Variants in ZNF616 observed in about 807,000 individuals in gnomAD.
ZNF616 encodes zinc finger protein 616.
A neutral mutation model predicts 7.6 loss-of-function variants in ZNF616; 5 were observed. The ratio of observed to expected loss-of-function variants is 0.66; its 90% CI spans 0.34 to 1.38. The LOEUF is 1.38. ZNF616 is among the 40% of genes most tolerant of loss of function. The probability of loss-of-function intolerance (pLI) is 0.04; values close to 1 mark genes in which losing one functional copy is unlikely to be tolerated. For missense variants in ZNF616, 913 were observed against 948.3 expected, an observed-to-expected ratio of 0.96 and a Z score of 0.49; for synonymous variants, 319 against 317.2, an observed-to-expected ratio of 1.01 and a Z score of -0.06.
intron 3 of ZNF616, chr19:52,122,323 T>C (rs1305698454): frequency 1.3e-5 from 2 of 152,108 alleles, no homozygotes; most frequent in Admixed American, 6.5e-5. Context: ...CCATCTCTAC[T>C]AAAAATACAA....
chr19:52,123,896 G>A, intron 3 of ZNF616, 27 bp downstream of exon 3: 1 of 1,613,332 alleles, frequency 6.2e-7, no homozygotes, highest in East Asian at 2.2e-5. Flanking sequence ...GGGCGAATCT[G>A]AACTTCTAGA....
intron 1 of ZNF616, among the ~76,000 whole-genome samples, chr19:52,134,534 T>C (rs1379902722): frequency 6.6e-6 from 1 of 151,626 alleles, no homozygotes; most frequent in Non-Finnish European, 1.5e-5. Context: ...GCCGGGGAGG[T>C]CTTGTGAGAC....
intron 1 of ZNF616, among the ~76,000 whole-genome samples, chr19:52,136,141 A>G (rs2089004881): frequency 1.6e-5 from 2 of 123,690 alleles, no homozygotes; most frequent in African/African-American, 6.1e-5. Context: ...AAAAAAAAAA[A>G]AGCGGGGGGG....
At chr19:52,124,129 T>C in intron 2 of ZNF616, 80 bp from the exon 3 acceptor site, 8 of 1,514,380 alleles carry the variant, frequency 5.3e-6, no homozygotes, top group Non-Finnish European at 7.1e-6. Context: ...AACTATCACA[T>C]CACTTTGAAG....
intron 1 of ZNF616, among the ~76,000 whole-genome samples, chr19:52,137,171 C>A (rs368678974): frequency 2.0e-5 from 3 of 151,666 alleles, no homozygotes; most frequent in African/African-American, 7.2e-5. Context: ...GTAATCCCAG[C>A]ACTTTGGGAG....
chr19:52,125,820 A>C (rs187296975), intron 2 of ZNF616, among the ~76,000 whole-genome samples: 6 of 152,350 alleles, frequency 3.9e-5, no homozygotes, highest in Admixed American at 3.9e-4. Flanking sequence ...GCCACTGAGC[A>C]AAAAGATAAC....
At position 52,139,562 on chromosome 19, in the gene ZNF616, G is replaced by A. The variant is rs1249760124; in HGVS notation, c.-77+170C>T. 6.6e-6 allele frequency among the ~76,000 whole-genome samples: 1 copy of A among 152,214 alleles called. No individual in the cohort carries two copies. The highest frequency in any genetic ancestry group is 2.4e-5 in the African/African-American group (1 of 41,460). On this transcript the variant is annotated intron_variant, in intron 1 of 3. Transcript: ENST00000600228. The surrounding 1 kb of genome is among the most constrained non-coding windows in gnomAD (Gnocchi z 4.1). ...CGACTGGTGGGAATCCACCTCGCGA[G>A]GGAGGACTTGACTTCGCCCGGGGCC... is the stretch of plus-strand genomic sequence containing the variant.
At chr19:52,132,419 A>G (rs1173683056) in intron 1 of ZNF616, among the ~76,000 whole-genome samples, 1 of 152,068 alleles carries the variant, frequency 6.6e-6, no homozygotes, top group Admixed American at 6.5e-5. Context: ...GGTGGGTGAT[A>G]TGGATCAGCT....
chr19:52,126,532 C>T (rs10084143), intron 2 of ZNF616, among the ~76,000 whole-genome samples: 10,592 of 150,594 alleles, frequency 0.07, 537 homozygotes, highest in African/African-American at 0.15. Flanking sequence ...AAAGAAAATG[C>T]GAAGGTAGGC....
chr19:52,137,697 T>C (rs2089024679), intron 1 of ZNF616, among the ~76,000 whole-genome samples: 1 of 152,182 alleles, frequency 6.6e-6, no homozygotes, highest in Non-Finnish European at 1.5e-5. Context: ...GAATCTAATG[T>C]ACTTCGTGGT....
rs181688066 is a variant in ZNF616, at chr19:52,113,790, T to C, written c.*1028A>G. The stretch of plus-strand genomic sequence containing the variant: ...ATCCACATCGCTGCAATGGACATGA[T>C]CTCATTCCTTTCTATGGCTGCATAG... On this transcript the variant is annotated 3_prime_UTR_variant, in exon 4 of 4. Transcript: ENST00000600228. 1.3e-5 allele frequency: 2 copies of C among 152,296 alleles called. No individual in the cohort carries two copies. Among genetic ancestry groups the C allele is most frequent in the African/African-American group, 4.8e-5 (2 of 41,544 alleles). The allele number at this position is 152,296 out of a possible 1,614,324, so 9.4% of individuals were successfully genotyped here. A position where few individuals can be genotyped will look rare whatever the true frequency, so the allele number is the denominator to read the frequency against.
In ZNF616 at chr19:52,130,484, G is replaced by A. The variant is rs1050379928; in HGVS notation, c.12+17C>T. The A allele has an allele frequency of 1.2e-6, 2 of 1,603,218 alleles. No individual in the cohort carries two copies. Among genetic ancestry groups the A allele is most frequent in the Non-Finnish European group, 1.7e-6 (2 of 1,170,074 alleles). Reference sequence around the variant, plus strand: ...CCACCAAGAATATCACTTCACTTGAGTAAAGTATCACTCTACCTGAGTAGC... The same window carrying A: ...CCACCAAGAATATCACTTCACTTGAATAAAGTATCACTCTACCTGAGTAGC... On this transcript the variant is annotated intron_variant, in intron 2 of 3. Coordinates refer to ENST00000600228, the MANE Select transcript of ZNF616 (RefSeq NM_178523.5).
rs1325393981 is a variant in ZNF616, at chr19:52,139,087, T to C, written c.-77+645A>G. On this transcript the variant is annotated intron_variant, in intron 1 of 3. Coordinates refer to ENST00000600228, the MANE Select transcript of ZNF616 (RefSeq NM_178523.5). This position sits in a 1 kb window ranked among gnomAD's most constrained non-coding sequence, Gnocchi z 4.1. ...CTCTTTGCCAGTACCTAAATTATCATCCATTTTGCCGTGTACTCATTCTTT... is the reference window on the plus strand; with the variant it reads ...CTCTTTGCCAGTACCTAAATTATCACCCATTTTGCCGTGTACTCATTCTTT... Among the ~76,000 whole-genome samples the C allele has an allele frequency of 6.6e-6, 1 of 152,160 alleles. No individual in the cohort carries two copies. The highest frequency in any genetic ancestry group is 1.5e-5 in the Non-Finnish European group (1 of 68,030).
At position 52,116,819 on chromosome 19, in the gene ZNF616, A is replaced by G; in HGVS notation, c.345T>C (p.His115=). The change falls in exon 4 of 4, where the codon CAT becomes CAC. Residue 115 remains histidine, a synonymous_variant. Transcript: ENST00000600228. The part of the protein sequence containing the change: ...ETNDKEVPVP[H]ENNLTGKRDQ... ...CTCTTTTACCAGTAAGATTGTTTTC[A>G]TGGGGCACTGGCACTTCTTTATCAT... The G allele has an allele frequency of 1.2e-6, 2 of 1,613,858 alleles. No individual in the cohort carries two copies. The highest frequency in any genetic ancestry group is 1.7e-6 in the Non-Finnish European group (2 of 1,179,862).
intron 2 of ZNF616, among the ~76,000 whole-genome samples, chr19:52,124,579 G>A (rs185608114): frequency 8.1e-4 from 123 of 152,268 alleles, no homozygotes; most frequent in Non-Finnish European, 1.3e-3. Context: ...TCACAGACAC[G>A]CTAACAAACT....
In ZNF616 at chr19:52,115,252, ACT is replaced by A; in HGVS notation, c.1910_1911del (p.Gln637LeufsTer6). ...ACACGCTGACTAAAGGAATTCCCAC[ACT>A]GATTGCATTTGTAAGGTTTCTCTCC... ...HTGEKPYKCNQCGNSFSQRVH... is the reference protein window; with the variant it reads ...HTGEKPYKCNXCGNSFSQRVH... On this transcript the variant is annotated frameshift_variant, in exon 4 of 4. Transcript: ENST00000600228. LOFTEE classifies it low-confidence loss of function (END_TRUNC). 1 of 1,614,112 alleles carries A rather than the reference ACT, an allele frequency of 6.2e-7. No homozygotes were observed. The highest frequency in any genetic ancestry group is 8.5e-7 in the Non-Finnish European group (1 of 1,180,020).
At chr19:52,120,812 T>C (rs1032185360) in intron 3 of ZNF616, among the ~76,000 whole-genome samples, 1 of 152,146 alleles carries the variant, frequency 6.6e-6, no homozygotes, top group South Asian at 2.1e-4. Context: ...CCTTAATATA[T>C]GAAGCAAGAG....
At chr19:52,130,659 A>C in intron 1 of ZNF616, 71 bp from the exon 2 acceptor site, 2 of 1,156,152 alleles carry the variant, frequency 1.7e-6, no homozygotes, top group Non-Finnish European at 2.4e-6. Flanking sequence ...AACCATGCAC[A>C]CAGGGAAGAA....
chr19:52,134,308 C>G (rs1419614528), intron 1 of ZNF616, among the ~76,000 whole-genome samples: 7 of 152,206 alleles, frequency 4.6e-5, no homozygotes, highest in Non-Finnish European at 8.8e-5. Flanking sequence ...AGTGTGAAAA[C>G]CCAATCATCA....
Sources: allele counts gnomAD v4.1 joint callset (sites outside exome capture counted in the v4.1 genomes callset), GRCh38; gene constraint gnomAD v4.1.1; non-coding constraint Gnocchi (gnomAD v3.1); transcripts MANE v1.5; gene names NCBI Gene and HGNC (gene_info 2026-07-23, HGNC 2026-07-21).